Variants in CNBD1 observed in about 807,000 individuals in gnomAD.
CNBD1 encodes cyclic nucleotide binding domain containing 1.
In CNBD1, 71 loss-of-function variants were observed where a neutral mutation model predicts 54.4. The observed-to-expected ratio is 1.30, with a 90% CI of 1.08 to 1.59. CNBD1 has a LOEUF of 1.59. CNBD1 is among the 40% of genes most tolerant of loss of function. The pLI, the probability that CNBD1 is intolerant of heterozygous loss-of-function variation, is 0.00. For synonymous variants in CNBD1, 182 were observed against 170.7 expected (o/e 1.07, Z -0.51); for missense variants, 659 against 518.0 (o/e 1.27, Z -2.64).
intron 2 of CNBD1, among the ~76,000 whole-genome samples, chr8:87,407,893 G>C (rs1269684391): frequency 1.3e-5 from 2 of 151,868 alleles, no homozygotes; most frequent in Admixed American, 1.3e-4. Context: ...ACATGAGTTA[G>C]ATTGAGCAAA....
chr8:87,183,170 T>C (rs1380458679), intron 4 of CNBD1, among the ~76,000 whole-genome samples: 1 of 152,160 alleles, frequency 6.6e-6, no homozygotes, highest in Non-Finnish European at 1.5e-5. Flanking sequence ...TTTTCCCTAC[T>C]GCTTATTTTT....
At position 87,403,289 on chromosome 8, in the gene CNBD1, A is replaced by G. The variant is rs181981828; in HGVS notation, c.214-25257A>G. Among the ~76,000 whole-genome samples the G allele has an allele frequency of 3.2e-3, 486 of 152,104 alleles. 2 individuals carry two copies. The highest frequency in any genetic ancestry group is 0.011 in the African/African-American group (453 of 41,548). On this transcript the variant is annotated intron_variant, in intron 2 of 7. Transcript: ENST00000521593. ...TTTGCATCAGCAGTTAGTTTCATCT[A>G]TTTTGGGGCACAGCATCAAGCACTA...
chr8:87,220,059 A>AT (rs932621989), intron 5 of CNBD1, among the ~76,000 whole-genome samples: 56 of 152,112 alleles, frequency 3.7e-4, no homozygotes, highest in African/African-American at 1.3e-3. Context: ...TGTTTTAGTG[A>AT]TTTTTTAAAG....
chr8:87,082,311 A>T, intron 4 of CNBD1, among the ~76,000 whole-genome samples: 1 of 152,062 alleles, frequency 6.6e-6, no homozygotes, highest in African/African-American at 2.4e-5. Flanking sequence ...CCCAAATCCT[A>T]TAAAACTGCC....
intron 5 of CNBD1, among the ~76,000 whole-genome samples, chr8:87,221,202 A>T (rs1001032689): frequency 6.6e-6 from 1 of 152,150 alleles, no homozygotes; most frequent in Non-Finnish European, 1.5e-5. Context: ...AGCCATCTTA[A>T]ACCAGTCATA....
intron 4 of CNBD1, among the ~76,000 whole-genome samples, chr8:87,007,401 T>C (rs1809125688): frequency 1.3e-5 from 2 of 152,164 alleles, no homozygotes; most frequent in South Asian, 4.1e-4. Flanking sequence ...TGCATACCTT[T>C]GTATTATGTG....
At chr8:87,212,024 A>G (rs1205860055) in intron 5 of CNBD1, among the ~76,000 whole-genome samples, 2 of 152,206 alleles carry the variant, frequency 1.3e-5, no homozygotes, top group African/African-American at 2.4e-5. Flanking sequence ...AATGAAGTCT[A>G]TCTAGTACTT....
intron 8 of CNBD1, among the ~76,000 whole-genome samples, chr8:87,301,272 A>G (rs1276639949): frequency 6.6e-6 from 1 of 152,126 alleles, no homozygotes; most frequent in African/African-American, 2.4e-5. Flanking sequence ...CCAAACATTC[A>G]AAGAATTGGT....
rs563267086 is a variant in CNBD1, at chr8:86,935,259, A to G, written c.273-4337A>G. Among the ~76,000 whole-genome samples, 286 of 152,008 alleles carry G rather than the reference A, an allele frequency of 1.9e-3. 1 individual carries two copies. The highest frequency in any genetic ancestry group is 0.014 in the Middle Eastern group (4 of 294). On this transcript the variant is annotated intron_variant, in intron 3 of 10. Coordinates refer to ENST00000518476, the MANE Select transcript of CNBD1 (RefSeq NM_173538.3). ...CACTGTGTTAGCTAGGATGGTCTCG[A>G]TCTCCTGACCTCGTAATCCACCTGC...
rs1167232265 is a variant in CNBD1 at position 87,134,594 on chromosome 8, C to CTTTTTTTTT, written c.432-71381_432-71373dup. On this transcript the variant is annotated intron_variant, in intron 4 of 10. Transcript: ENST00000518476. ...GATTCACCTTTGTTAATTAGATTACCTTTTTTTTTTTTTTTTTTTTTTTTT... is the reference window on the plus strand; with the variant it reads ...GATTCACCTTTGTTAATTAGATTACCTTTTTTTTTTTTTTTTTTTTTTTTTTTTTTTTTT... Among the ~76,000 whole-genome samples, 18 of 86,988 alleles carry CTTTTTTTTT rather than the reference C, an allele frequency of 2.1e-4. 2 individuals are homozygous for CTTTTTTTTT. Among genetic ancestry groups the CTTTTTTTTT allele is most frequent in the African/African-American group, 6.8e-4 (16 of 23,532 alleles). The allele number at this position is 86,988 out of a possible 152,430, so 57.1% of individuals were successfully genotyped here. A position where few individuals can be genotyped will look rare whatever the true frequency, so the allele number is the denominator to read the frequency against.
chr8:87,105,109 A>C (rs1301958146), intron 4 of CNBD1, among the ~76,000 whole-genome samples: 1 of 152,230 alleles, frequency 6.6e-6, no homozygotes, highest in African/African-American at 2.4e-5. Flanking sequence ...ATTTTCAAAT[A>C]CTTTTGATGA....
chr8:87,057,316 G>A (rs959181078), intron 4 of CNBD1, among the ~76,000 whole-genome samples: 1 of 152,150 alleles, frequency 6.6e-6, no homozygotes, highest in African/African-American at 2.4e-5. Context: ...AAGGAATGCA[G>A]AATGAAGGTG....
intron 4 of CNBD1, among the ~76,000 whole-genome samples, chr8:86,960,453 C>A (rs1807899710): frequency 6.6e-6 from 1 of 152,140 alleles, no homozygotes; most frequent in South Asian, 2.1e-4. Flanking sequence ...TCCACTGTCA[C>A]TGAGGCTTGA....
intron 4 of CNBD1, among the ~76,000 whole-genome samples, chr8:86,942,954 C>G (rs1032211603): frequency 5.9e-5 from 9 of 152,002 alleles, no homozygotes; most frequent in Non-Finnish European, 1.2e-4. Flanking sequence ...AAACCATGAT[C>G]AGATTGACGG....
At chr8:87,251,649 T>C (rs1001820670) in intron 6 of CNBD1, among the ~76,000 whole-genome samples, 1 of 151,240 alleles carries the variant, frequency 6.6e-6, no homozygotes, top group Non-Finnish European at 1.5e-5. Flanking sequence ...CTAGGTACCA[T>C]TTAGGATTTA....
intron 4 of CNBD1, among the ~76,000 whole-genome samples, chr8:87,087,286 TA>T (rs1811119080): frequency 6.9e-6 from 1 of 145,402 alleles, no homozygotes; most frequent in African/African-American, 2.6e-5. Flanking sequence ...TATATATATA[TA>T]TATATTTTTT....
chr8:86,968,200 G>T (rs777824826), intron 4 of CNBD1, among the ~76,000 whole-genome samples: 4 of 152,088 alleles, frequency 2.6e-5, no homozygotes, highest in African/African-American at 4.8e-5. Flanking sequence ...TAAGAAAACC[G>T]TATTGCTCTG....
At chr8:87,207,839 A>G (rs1055127375) in intron 5 of CNBD1, among the ~76,000 whole-genome samples, 16 of 152,196 alleles carry the variant, frequency 1.1e-4, no homozygotes, top group African/African-American at 3.9e-4. Context: ...TACTTTCAAC[A>G]CTTAAAAATT....
chr8:87,387,090 A>G (rs1811205461), downstream of CNBD1, among the ~76,000 whole-genome samples: 1 of 152,248 alleles, frequency 6.6e-6, no homozygotes, highest in Non-Finnish European at 1.5e-5. Context: ...CTGCCCTAAA[A>G]GAGCTCCTGA....
Sources: allele counts gnomAD v4.1 joint callset (sites outside exome capture counted in the v4.1 genomes callset), GRCh38; gene constraint gnomAD v4.1.1; transcripts MANE v1.5; gene names NCBI Gene and HGNC (gene_info 2026-07-23, HGNC 2026-07-21).